The following ENC1 variants were observed in gnomAD, a reference collection of about 807,000 sequenced individuals.
The protein encoded by ENC1 is ectoderm-neural cortex protein 1.
Under a neutral mutation model 40.9 loss-of-function variants are expected in ENC1, and 19 were observed. The observed-to-expected ratio is 0.46, with a 90% CI of 0.32 to 0.68. The LOEUF is 0.68. ENC1 is among the 30% of genes least tolerant of loss of function. The pLI is 0.03. For missense variants in ENC1, 479 were observed against 737.5 expected, an observed-to-expected ratio of 0.65 and a Z score of 4.06; for synonymous variants, 285 against 291.1, an observed-to-expected ratio of 0.98 and a Z score of 0.21.
intron 2 of ENC1, among the ~76,000 whole-genome samples, chr5:74,632,648 G>A (rs1747433467): frequency 6.6e-6 from 1 of 152,196 alleles, no homozygotes; most frequent in African/African-American, 2.4e-5. Context: ...GAGGTCAGGA[G>A]TTCAAGACCA....
rs926056077 is a variant in ENC1, at chr5:74,628,294, C to A, written c.*1731G>T. On this transcript the variant is annotated 3_prime_UTR_variant, in exon 3 of 3. Transcript: ENST00000302351. ...AGAGAAATGTTAAGGATTTATCTGT[C>A]ATTAGACAATGCAAACACAGTCACA... 3 of 152,620 alleles carry A rather than the reference C, an allele frequency of 2.0e-5. No homozygotes were observed. The highest frequency in any genetic ancestry group is 4.4e-5 in the Non-Finnish European group (3 of 68,038). The allele number at this position is 152,620 out of a possible 1,614,324, so 9.5% of individuals were successfully genotyped here. A position where few individuals can be genotyped will look rare whatever the true frequency, so the allele number is the denominator to read the frequency against.
intron 1 of ENC1, chr5:74,637,349 A>C (rs34286796): frequency 0.12 from 18,771 of 152,150 alleles, 1,281 homozygotes; most frequent in Middle Eastern, 0.24. Context: ...CCACCTCGGC[A>C]TCCCAACTTA....
At position 74,635,772 on chromosome 5, in the gene ENC1, C is replaced by A. The variant is rs755107354; in HGVS notation, c.714G>T (p.Leu238=). 6.2e-7 allele frequency: 1 copy of A among 1,614,092 alleles called. No individual in the cohort carries two copies. Among genetic ancestry groups the A allele is most frequent in the East Asian group, 2.2e-5 (1 of 44,862 alleles). ...TGAGATAGATGGCTGGCAGAAGTGCCAGCCTTACTGTCTGCAACAGTTCTG... is the reference window on the plus strand; with the variant it reads ...TGAGATAGATGGCTGGCAGAAGTGCAAGCCTTACTGTCTGCAACAGTTCTG... ...YLPELLQTVR[L]ALLPAIYLME... The change falls in exon 2 of 3, where the codon CTG becomes CTT. Residue 238 remains leucine (L), a synonymous_variant. Transcript: ENST00000302351. The surrounding 1 kb of genome is among the most constrained non-coding windows in gnomAD (Gnocchi z 5.5).
chr5:74,631,009 C>T (rs1747372595), intron 2 of ENC1, among the ~76,000 whole-genome samples: 1 of 152,032 alleles, frequency 6.6e-6, no homozygotes, highest in African/African-American at 2.4e-5. Context: ...GTCATTGCCC[C>T]ACCTCCACCT....
Position 74,629,139 on chromosome 5 carries a change from T to G in ENC1, c.*886A>C, listed in dbSNP as rs1747302840. 1 of 152,238 alleles carries G rather than the reference T, an allele frequency of 6.6e-6. No homozygotes were observed. The highest frequency in any genetic ancestry group is 2.4e-5 in the African/African-American group (1 of 41,462). 9.4% of individuals were successfully genotyped at this position (152,238 alleles called of 1,614,324 possible). On this transcript the variant is annotated 3_prime_UTR_variant, in exon 3 of 3. Coordinates refer to ENST00000302351, the MANE Select transcript of ENC1 (RefSeq NM_003633.4). Reference sequence around the variant, plus strand: ...TAGGATGTCATTTAAATTTCCATTTTGTCATCCTTCCCTGTCTTGACATTT... The same window carrying G: ...TAGGATGTCATTTAAATTTCCATTTGGTCATCCTTCCCTGTCTTGACATTT...
chr5:74,634,087 G>A (rs1747486046), intron 2 of ENC1, among the ~76,000 whole-genome samples: 1 of 152,098 alleles, frequency 6.6e-6, no homozygotes. Flanking sequence ...CAGACCAAAT[G>A]AAACTAAGTC....
rs1322077780 is a variant in ENC1, at chr5:74,629,590, T to A, written c.*435A>T. 1 of 152,272 alleles carries A rather than the reference T, an allele frequency of 6.6e-6. No individual in the cohort carries two copies. The highest frequency in any genetic ancestry group is 1.9e-4 in the East Asian group (1 of 5,192). The allele number at this position is 152,272 out of a possible 1,614,324, so 9.4% of individuals were successfully genotyped here. A position where few individuals can be genotyped will look rare whatever the true frequency, so the allele number is the denominator to read the frequency against. ...GCTTTGAATCTCCAGCAGCAGCTGG[T>A]GTGGAGGCTTCAAGCTCTGTCCTCA... is the stretch of plus-strand genomic sequence containing the variant. On this transcript the variant is annotated 3_prime_UTR_variant, in exon 3 of 3. Coordinates refer to ENST00000302351, the MANE Select transcript of ENC1 (RefSeq NM_003633.4).
intron 2 of ENC1, among the ~76,000 whole-genome samples, chr5:74,634,189 G>A (rs556452267): frequency 2.1e-4 from 32 of 152,178 alleles, no homozygotes; most frequent in African/African-American, 6.3e-4. Context: ...CGAGGCGGGC[G>A]GATCATGAGG....
chr5:74,634,500 T>G (rs1003298698), intron 2 of ENC1, among the ~76,000 whole-genome samples, 184 bp downstream of exon 2: 2 of 152,122 alleles, frequency 1.3e-5, no homozygotes, highest in African/African-American at 4.8e-5. Flanking sequence ...GCTAATGCCA[T>G]GGTGGGGGCT....
chr5:74,637,241 G>A (rs919730666), intron 1 of ENC1, among the ~76,000 whole-genome samples: 1 of 152,090 alleles, frequency 6.6e-6, no homozygotes, highest in Admixed American at 6.6e-5. Context: ...TTGGCCTTCC[G>A]AGTAGCTGGC....
rs752740961 is a variant in ENC1 at position 74,635,970 on chromosome 5, A to G, written c.516T>C (p.Cys172=). Residue 172 remains cysteine (C), a synonymous_variant, in exon 2 of 3, where the codon TGT becomes TGC. Coordinates refer to ENST00000302351, the MANE Select transcript of ENC1 (RefSeq NM_003633.4). This position sits in a 1 kb window ranked among gnomAD's most constrained non-coding sequence, Gnocchi z 5.5. The stretch of plus-strand genomic sequence containing the variant: ...TCCTGATGGTTTGGAAGTTGCTGAG[A>G]CACATTCTCCAAGATAGTTCGTACA... The part of the protein sequence containing the change: ...TKLYELSWRM[C]LSNFQTIRKN... 1.9e-6 allele frequency: 3 copies of G among 1,614,186 alleles called. No individual in the cohort carries two copies. The highest frequency in any genetic ancestry group is 2.5e-6 in the Non-Finnish European group (3 of 1,180,034).
intron 1 of ENC1, among the ~76,000 whole-genome samples, chr5:74,639,864 CAG>C (rs1747774260): frequency 1.3e-5 from 2 of 152,246 alleles, no homozygotes; most frequent in African/African-American, 2.4e-5. Context: ...TGCCCGCACT[CAG>C]GGTGTCTGTG....
chr5:74,628,667 G>A lies in ENC1; in HGVS notation c.*1358C>T, dbSNP rs928972232. Reference sequence around the variant, plus strand: ...GGGTGAGCACTGAAGTATACATTGTGCCAATGTAATTATTGTCTTGGAGAC... The same window carrying A: ...GGGTGAGCACTGAAGTATACATTGTACCAATGTAATTATTGTCTTGGAGAC... On this transcript the variant is annotated 3_prime_UTR_variant, in exon 3 of 3. Transcript: ENST00000302351. 6.6e-6 allele frequency: 1 copy of A among 152,124 alleles called. No homozygotes were observed. Among genetic ancestry groups the A allele is most frequent in the African/African-American group, 2.4e-5 (1 of 41,428 alleles). 9.4% of individuals were successfully genotyped at this position (152,124 alleles called of 1,614,324 possible).
intron 1 of ENC1, among the ~76,000 whole-genome samples, chr5:74,638,590 A>C (rs1747698776): frequency 6.6e-6 from 1 of 152,184 alleles, no homozygotes; most frequent in Non-Finnish European, 1.5e-5. Context: ...ATTCTAACCA[A>C]TGCCCAGTGT....
chr5:74,630,677 C>T (rs1250651460), intron 2 of ENC1, among the ~76,000 whole-genome samples: 1 of 152,190 alleles, frequency 6.6e-6, no homozygotes, highest in East Asian at 1.9e-4. Context: ...ACAGAATCTA[C>T]GTACATCAAG....
Position 74,636,299 on chromosome 5 carries a change from C to G in ENC1, c.187G>C (p.Val63Leu), listed in dbSNP as rs761967252. 6.2e-7 allele frequency: 1 copy of G among 1,614,216 alleles called. No individual in the cohort carries two copies. The highest frequency in any genetic ancestry group is 2.2e-5 in the East Asian group (1 of 44,878). Residue 63 changes from valine to leucine, a missense_variant, in exon 2 of 3, where the codon GTG becomes CTG. Val to Leu is a conservative substitution (Grantham distance 32). Coordinates refer to ENST00000302351, the MANE Select transcript of ENC1 (RefSeq NM_003633.4). The surrounding 1 kb of genome is among the most constrained non-coding windows in gnomAD (Gnocchi z 4.8). ...AAGTAGCGACTGCATGCAGCCAGCACTGCCCGGTGGCAAGGGAAGGTCCTA... is the reference window on the plus strand; with the variant it reads ...AAGTAGCGACTGCATGCAGCCAGCAGTGCCCGGTGGCAAGGGAAGGTCCTA... ...GNRTFPCHRAVLAACSRYFEA... is the reference protein window; with the variant it reads ...GNRTFPCHRALLAACSRYFEA...
intron 2 of ENC1, among the ~76,000 whole-genome samples, chr5:74,634,045 T>A (rs1408331633): frequency 6.6e-6 from 1 of 152,160 alleles, no homozygotes; most frequent in African/African-American, 2.4e-5. Context: ...ATCCGGAAAC[T>A]TTTTAAAAAT....
intron 2 of ENC1, among the ~76,000 whole-genome samples, chr5:74,634,350 T>G (rs1747497115): frequency 6.6e-6 from 1 of 152,080 alleles, no homozygotes. Context: ...AGGCGGAGCT[T>G]GCAGTGAGCC....
Position 74,634,722 on chromosome 5 carries a change from A to G in ENC1, c.1764T>C (p.Pro588=). Residue 588 remains proline, a synonymous_variant, in exon 2 of 3, where the codon CCT becomes CCC. Coordinates refer to ENST00000302351, the MANE Select transcript of ENC1 (RefSeq NM_003633.4). ...TCTTTAGAATGTACTGCATTTAAGA[A>G]GGCAGATGTTTCCAGGTGCTGACAA... The part of the protein sequence containing the change: ...TAFVSTWKHL[P]S The G allele has an allele frequency of 6.2e-7, 1 of 1,605,046 alleles. No individual in the cohort carries two copies. The highest frequency in any genetic ancestry group is 8.5e-7 in the Non-Finnish European group (1 of 1,172,098).
Sources: allele counts gnomAD v4.1 joint callset (sites outside exome capture counted in the v4.1 genomes callset), GRCh38; gene constraint gnomAD v4.1.1; non-coding constraint Gnocchi (gnomAD v3.1); transcripts MANE v1.5; gene names NCBI Gene and HGNC (gene_info 2026-07-23, HGNC 2026-07-21).